The following ZDHHC20 variants were observed in gnomAD, a reference collection of about 807,000 sequenced individuals.
ZDHHC20 encodes palmitoyltransferase ZDHHC20.
ZDHHC20 carries 43 observed loss-of-function variants against 57.8 expected under a neutral mutation model. The observed-to-expected ratio is 0.74, with a 90% CI of 0.58 to 0.96. The LOEUF (loss-of-function observed/expected upper bound fraction) is 0.96, where lower values mean the gene tolerates loss of function less well. ZDHHC20 is among the 40% of genes least tolerant of loss of function. The pLI, the probability that ZDHHC20 is intolerant of heterozygous loss-of-function variation, is 0.00. For missense variants in ZDHHC20, 391 were observed against 441.1 expected, an observed-to-expected ratio of 0.89 and a Z score of 1.02; for synonymous variants, 157 against 153.0, an observed-to-expected ratio of 1.03 and a Z score of -0.19.
At chr13:21,455,847 T>C (rs1286149690) in intron 1 of ZDHHC20, among the ~76,000 whole-genome samples, 1 of 152,140 alleles carries the variant, frequency 6.6e-6, no homozygotes, top group Non-Finnish European at 1.5e-5. Flanking sequence ...AAATATATCA[T>C]ATACAGGACT....
chr13:21,437,813 T>C (rs1882708789), intron 1 of ZDHHC20, among the ~76,000 whole-genome samples: 1 of 152,022 alleles, frequency 6.6e-6, no homozygotes, highest in Non-Finnish European at 1.5e-5. Flanking sequence ...TGCCTCAGCC[T>C]CCTAAGTAGG....
intron 1 of ZDHHC20, among the ~76,000 whole-genome samples, chr13:21,451,846 T>C (rs1303805562): frequency 1.3e-4 from 20 of 151,796 alleles, no homozygotes; most frequent in Non-Finnish European, 1.5e-5. Context: ...AAAAAAAAAT[T>C]AGCAGGGCAT....
intron 2 of ZDHHC20, among the ~76,000 whole-genome samples, chr13:21,423,094 A>AT (rs2137914447): frequency 6.6e-6 from 1 of 152,294 alleles, no homozygotes; most frequent in African/African-American, 2.4e-5. Context: ...ATTCAAACTC[A>AT]TATCTGTTTG....
intron 7 of ZDHHC20, among the ~76,000 whole-genome samples, chr13:21,397,477 C>T (rs963607034): frequency 6.6e-6 from 1 of 151,942 alleles, no homozygotes; most frequent in African/African-American, 2.4e-5. Flanking sequence ...GCCTGGGCAA[C>T]ATGGTGAAAC....
intron 1 of ZDHHC20, among the ~76,000 whole-genome samples, chr13:21,433,461 C>CA (rs1416792313): frequency 6.6e-6 from 1 of 151,926 alleles, no homozygotes; most frequent in African/African-American, 2.4e-5. Flanking sequence ...ACTAAAAATA[C>CA]AAAAAATTAG....
At chr13:21,430,667 C>T (rs1488374955) in intron 1 of ZDHHC20, among the ~76,000 whole-genome samples, 1 of 152,020 alleles carries the variant, frequency 6.6e-6, no homozygotes, top group East Asian at 1.9e-4. Flanking sequence ...ACTAGGTTGT[C>T]CCTTTCCTGG....
intron 4 of ZDHHC20, among the ~76,000 whole-genome samples, chr13:21,412,141 G>A (rs58401559): frequency 1.3e-5 from 2 of 152,204 alleles, no homozygotes; most frequent in Admixed American, 1.3e-4. Context: ...CCAGGGTGCA[G>A]CTAGATTGCA....
chr13:21,437,081 C>T (rs2315544), intron 1 of ZDHHC20, among the ~76,000 whole-genome samples: 90,263 of 152,038 alleles, frequency 0.59, 27,614 homozygotes, highest in Non-Finnish European at 0.68. Context: ...AGACAGAGAG[C>T]CAAACCAGCC....
intron 7 of ZDHHC20, among the ~76,000 whole-genome samples, chr13:21,392,789 T>C (rs919125050): frequency 2.6e-5 from 4 of 152,234 alleles, no homozygotes; most frequent in African/African-American, 9.6e-5. Flanking sequence ...CATTAGGTTA[T>C]TGTGACATTG....
At chr13:21,393,764 C>A (rs966697945) in intron 7 of ZDHHC20, among the ~76,000 whole-genome samples, 9 of 144,124 alleles carry the variant, frequency 6.2e-5, no homozygotes, top group African/African-American at 2.3e-4. Context: ...AGAGCTAGGG[C>A]TAGTCTTTAA....
At chr13:21,428,185 C>G (rs1881498265) in intron 1 of ZDHHC20, among the ~76,000 whole-genome samples, 1 of 151,998 alleles carries the variant, frequency 6.6e-6, no homozygotes, top group Non-Finnish European at 1.5e-5. Context: ...CGAGGCTATT[C>G]CTTTTTATGG....
intron 1 of ZDHHC20, among the ~76,000 whole-genome samples, chr13:21,445,155 C>A (rs1883561617): frequency 1.3e-5 from 2 of 151,268 alleles, no homozygotes; most frequent in African/African-American, 2.4e-5. Context: ...ATTACATGCC[C>A]CAAACACAAG....
chr13:21,440,652 A>ATATATGAGTGTATATATATATATGTG (rs754122040), intron 1 of ZDHHC20, among the ~76,000 whole-genome samples: 1 of 151,952 alleles, frequency 6.6e-6, no homozygotes, highest in South Asian at 2.1e-4. Context: ...GTGTGTGTAT[A>ATATATGAGTGTATATATATATATGTG]TATATATATG....
At position 21,416,007 on chromosome 13, in the gene ZDHHC20, C is replaced by T. The variant is rs535891413; in HGVS notation, c.250-2235G>A. Among the ~76,000 whole-genome samples, 6 of 151,976 alleles carry T rather than the reference C, an allele frequency of 3.9e-5. No homozygotes were observed. The East Asian group carries it at 7.7e-4, about 20-fold the overall frequency. ...CACGAGGTCAGGAATTCAAGACCAGCCTGGCCAACATGATGAAACCCCCGC... is the reference window on the plus strand; with the variant it reads ...CACGAGGTCAGGAATTCAAGACCAGTCTGGCCAACATGATGAAACCCCCGC... On this transcript the variant is annotated intron_variant, in intron 3 of 12. Coordinates refer to ENST00000400590, the MANE Select transcript of ZDHHC20 (RefSeq NM_001330059.2).
chr13:21,442,328 T>G (rs1317483991), intron 1 of ZDHHC20, among the ~76,000 whole-genome samples: 1 of 152,238 alleles, frequency 6.6e-6, no homozygotes, highest in Non-Finnish European at 1.5e-5. Context: ...TTCAATCACA[T>G]CTGTTCACCT....
At chr13:21,428,728 C>T (rs1454327869) in intron 1 of ZDHHC20, among the ~76,000 whole-genome samples, 2 of 151,650 alleles carry the variant, frequency 1.3e-5, no homozygotes, top group African/African-American at 2.4e-5. Flanking sequence ...GGCATGGTGG[C>T]GTGCGCCTGT....
intron 4 of ZDHHC20, among the ~76,000 whole-genome samples, chr13:21,409,081 C>T (rs1878848413): frequency 6.6e-6 from 1 of 152,090 alleles, no homozygotes; most frequent in South Asian, 2.1e-4. Flanking sequence ...TTTTTTGTCA[C>T]ATCTCTGCTA....
At chr13:21,433,346 G>A (rs1882196447) in intron 1 of ZDHHC20, among the ~76,000 whole-genome samples, 1 of 152,216 alleles carries the variant, frequency 6.6e-6, no homozygotes, top group Non-Finnish European at 1.5e-5. Flanking sequence ...GGCCAGGCAT[G>A]GTGGCTCATG....
intron 12 of ZDHHC20, chr13:21,377,141 T>G: frequency 5.8e-6 from 1 of 171,688 alleles, no homozygotes; most frequent in Non-Finnish European, 1.2e-5. Flanking sequence ...GGCATGGACC[T>G]GGCTTACAAT....
Sources: gnomAD v4.1 joint callset for allele counts (sites outside exome capture counted in the v4.1 genomes callset) on GRCh38, gnomAD v4.1.1 for gene constraint, MANE v1.5 for transcripts, NCBI Gene and HGNC (gene_info 2026-07-23, HGNC 2026-07-21) for gene names.